ARHGEF4: variants seen among roughly 807,000 people sequenced by gnomAD.
ARHGEF4 encodes the protein Rho guanine nucleotide exchange factor 4, also known as APC-stimulated guanine nucleotide exchange factor 1.
Under a neutral mutation model 162.0 loss-of-function variants are expected in ARHGEF4, and 119 were observed. The ratio of observed to expected loss-of-function variants is 0.73; its 90% CI spans 0.63 to 0.86. The LOEUF (loss-of-function observed/expected upper bound fraction) is 0.86, where lower values mean the gene tolerates loss of function less well. Ranked by LOEUF, ARHGEF4 falls within the 40% of genes least tolerant of loss-of-function variation. The pLI is 0.00. For synonymous variants in ARHGEF4, 1,014 were observed against 979.9 expected, an observed-to-expected ratio of 1.03 and a Z score of -0.65; for missense variants, 2,488 against 2,456.0, an observed-to-expected ratio of 1.01 and a Z score of -0.28.
chr2:131,041,880 G>A lies in ARHGEF4; in HGVS notation c.4961G>A (p.Arg1654Gln), dbSNP rs765585986. 1.8e-5 allele frequency: 29 copies of A among 1,613,658 alleles called. No homozygotes were observed. Among genetic ancestry groups the A allele is most frequent in the Middle Eastern group, 1.7e-4 (1 of 6,060 alleles). Residue 1654 changes from arginine to glutamine, a missense_variant, in exon 10 of 14, where the codon CGG becomes CAG. Physicochemically the swap from Arg to Gln is conservative, Grantham distance 43. Coordinates refer to ENST00000409359, the MANE Select transcript of ARHGEF4 (RefSeq NM_001367493.1). ...MKNVAQLINE[R>Q]KRRLENIDKI... ...AACGTGGCCCAGCTCATCAACGAGCGGAAGCGGAGACTTGAGAACATCGAC... is the reference window on the plus strand; with the variant it reads ...AACGTGGCCCAGCTCATCAACGAGCAGAAGCGGAGACTTGAGAACATCGAC...
At chr2:130,845,002 T>G (rs1680853569) in intron 1 of ARHGEF4, among the ~76,000 whole-genome samples, 1 of 151,738 alleles carries the variant, frequency 6.6e-6, no homozygotes, top group African/African-American at 2.4e-5. Flanking sequence ...TTTTGTATTT[T>G]TAGTAGAGAC....
At chr2:130,962,734 T>C (rs886610468) in intron 4 of ARHGEF4, among the ~76,000 whole-genome samples, 2 of 148,410 alleles carry the variant, frequency 1.3e-5, no homozygotes, top group African/African-American at 2.5e-5. Context: ...CCTCTCCCTC[T>C]CAATACTTCT....
chr2:131,040,457 C>G lies in ARHGEF4; in HGVS notation c.4662+17C>G, dbSNP rs765352739. On this transcript the variant is annotated intron_variant, in intron 8 of 13. Coordinates refer to ENST00000409359, the MANE Select transcript of ARHGEF4 (RefSeq NM_001367493.1). ...CTGGAGCATGTGAGCGCGCGGCCCCCGGCCCCTACCTGGGCGCTGCGTTCA... is the reference window on the plus strand; with the variant it reads ...CTGGAGCATGTGAGCGCGCGGCCCCGGGCCCCTACCTGGGCGCTGCGTTCA... 7 of 1,536,594 alleles carry G rather than the reference C, an allele frequency of 4.6e-6. No homozygotes were observed. The highest frequency in any genetic ancestry group is 6.1e-6 in the Non-Finnish European group (7 of 1,141,280).
chr2:130,996,333 T>A (rs1449555044), intron 4 of ARHGEF4, among the ~76,000 whole-genome samples: 2 of 152,200 alleles, frequency 1.3e-5, no homozygotes, highest in African/African-American at 4.8e-5. Flanking sequence ...TTAGTAGCCG[T>A]CTCGTGTCTT....
At chr2:130,937,566 G>A (rs940324059) in intron 3 of ARHGEF4, among the ~76,000 whole-genome samples, 4 of 151,678 alleles carry the variant, frequency 2.6e-5, no homozygotes, top group African/African-American at 4.8e-5. Flanking sequence ...GTTGATTAGA[G>A]TCTTTGTCTA....
chr2:130,839,243 T>C (rs966460362), intron 1 of ARHGEF4, among the ~76,000 whole-genome samples: 3 of 152,080 alleles, frequency 2.0e-5, no homozygotes, highest in Admixed American at 6.5e-5. Flanking sequence ...ACACAGGTTG[T>C]GGGGTGGGCA....
At chr2:130,878,821 A>G (rs1679021341) in intron 1 of ARHGEF4, among the ~76,000 whole-genome samples, 1 of 152,224 alleles carries the variant, frequency 6.6e-6, no homozygotes, top group Non-Finnish European at 1.5e-5. Flanking sequence ...CCAGATATTG[A>G]CGGGTTCTTT....
At chr2:130,949,774 A>C (rs1398409509) in intron 4 of ARHGEF4, among the ~76,000 whole-genome samples, 2 of 152,072 alleles carry the variant, frequency 1.3e-5, no homozygotes, top group Non-Finnish European at 2.9e-5. Flanking sequence ...CTCAGCCCCC[A>C]AGTAGCTGGG....
At chr2:130,957,824 A>G (rs1199593454) in intron 4 of ARHGEF4, among the ~76,000 whole-genome samples, 1 of 150,388 alleles carries the variant, frequency 6.6e-6, no homozygotes, top group East Asian at 1.9e-4. Context: ...GAGGGCCCTC[A>G]CTGGAACTTG....
chr2:130,993,935 G>A (rs116418905), intron 4 of ARHGEF4, among the ~76,000 whole-genome samples: 2,154 of 151,946 alleles, frequency 0.014, 59 homozygotes, highest in African/African-American at 0.049. Context: ...AGGCACCACC[G>A]CACCTGGCTA....
chr2:131,043,194 A>G (rs115303189), intron 10 of ARHGEF4, among the ~76,000 whole-genome samples: 3,114 of 152,296 alleles, frequency 0.02, 115 homozygotes, highest in African/African-American at 0.071. Flanking sequence ...CATCACATCT[A>G]ATTAATATGG....
In ARHGEF4 at chr2:131,027,964, G is replaced by A. The variant is rs772186058; in HGVS notation, c.4005G>A (p.Leu1335=). Reference sequence around the variant, plus strand: ...TTCCAGCCATGCCTGATGGAGCTCTGGACACAGCTGTCTGCGCTGACGAAG... The same window carrying A: ...TTCCAGCCATGCCTGATGGAGCTCTAGACACAGCTGTCTGCGCTGACGAAG... ...TPGTAMPDGA[L]DTAVCADEVG... Residue 1335 remains leucine (L), a synonymous_variant, in exon 5 of 14, where the codon CTG becomes CTA. Coordinates refer to ENST00000409359, the MANE Select transcript of ARHGEF4 (RefSeq NM_001367493.1). The A allele has an allele frequency of 1.2e-6, 2 of 1,614,024 alleles. No individual in the cohort carries two copies. The highest frequency in any genetic ancestry group is 1.7e-5 in the Admixed American group (1 of 60,026).
intron 4 of ARHGEF4, among the ~76,000 whole-genome samples, chr2:130,998,659 C>T (rs148416456): frequency 7.2e-4 from 110 of 152,298 alleles, no homozygotes; most frequent in African/African-American, 2.5e-3. Context: ...TCCTTTTTCT[C>T]TCTTGCTGAA....
chr2:130,979,018 C>T (rs1048269774), intron 4 of ARHGEF4, among the ~76,000 whole-genome samples: 2 of 152,154 alleles, frequency 1.3e-5, no homozygotes, highest in African/African-American at 4.8e-5. Flanking sequence ...TCAAGAACTC[C>T]TCCAAAGAAG....
At chr2:131,041,194 C>A in intron 8 of ARHGEF4, 36 bp from the exon 9 acceptor site, 1 of 1,583,694 alleles carries the variant, frequency 6.3e-7, no homozygotes, top group Non-Finnish European at 8.6e-7. Context: ...GTGGGAGCAG[C>A]AGAGAGCTCT....
Position 130,923,885 on chromosome 2 carries a change from C to CTT in ARHGEF4, c.3552+6399_3552+6400dup, listed in dbSNP as rs11377085. On this transcript the variant is annotated intron_variant, in intron 2 of 13. Transcript: ENST00000409359. ...AGTCTTTCTTTTATTCTTTTCTTTT[C>CTT]TTTTTTTTTTTTTGAGACGGAGTCT... Among the ~76,000 whole-genome samples, 332 of 140,944 alleles carry CTT rather than the reference C, an allele frequency of 2.4e-3. 2 individuals carry two copies. The highest frequency in any genetic ancestry group is 0.011 in the East Asian group (54 of 4,778). 92.5% of individuals were successfully genotyped at this position (140,944 alleles called of 152,430 possible).
chr2:130,982,409 A>G (rs989236098), intron 4 of ARHGEF4, among the ~76,000 whole-genome samples: 1 of 152,194 alleles, frequency 6.6e-6, no homozygotes, highest in Non-Finnish European at 1.5e-5. Context: ...TTTACTATCT[A>G]AACTTTTTCA....
At chr2:130,895,788 C>T (rs1203886814) in intron 1 of ARHGEF4, among the ~76,000 whole-genome samples, 1 of 152,154 alleles carries the variant, frequency 6.6e-6, no homozygotes, top group Non-Finnish European at 1.5e-5. Flanking sequence ...CAACCTGTGG[C>T]TTGCTTTTTC....
chr2:131,035,185 C>T, intron 5 of ARHGEF4: 1 of 1,221,824 alleles, frequency 8.2e-7, no homozygotes, highest in Non-Finnish European at 1.0e-6. Context: ...CGGCGCCCAG[C>T]GCGTGGTGGT....
Sources: allele counts gnomAD v4.1 joint callset (sites outside exome capture counted in the v4.1 genomes callset), GRCh38; gene constraint gnomAD v4.1.1; transcripts MANE v1.5; gene names NCBI Gene and HGNC (gene_info 2026-07-23, HGNC 2026-07-21).